The following COMMD10 variants were observed in gnomAD, a reference collection of about 807,000 sequenced individuals.
The protein encoded by COMMD10 is COMM domain-containing protein 10.
A neutral mutation model predicts 28.9 loss-of-function variants in COMMD10; 33 were observed. The ratio of observed to expected loss-of-function variants is 1.14; its 90% CI spans 0.87 to 1.53. The LOEUF (loss-of-function observed/expected upper bound fraction) is 1.53, where lower values mean the gene tolerates loss of function less well. Ranked by LOEUF, COMMD10 falls within the 40% of genes most tolerant of loss-of-function variation. The probability of loss-of-function intolerance (pLI) is 0.00; values close to 1 mark genes in which losing one functional copy is unlikely to be tolerated. For synonymous variants in COMMD10, 110 were observed against 81.7 expected (o/e 1.35, Z -1.87); for missense variants, 310 against 233.4 (o/e 1.33, Z -2.14).
chr5:116,248,881 A>G lies in COMMD10; in HGVS notation c.511-42636A>G, dbSNP rs557479211. ...ACAAAAAAGCAATTTCTCACCATGC[A>G]TATTATTTGAAACAAAAGAAATTTA... On this transcript the variant is annotated intron_variant, in intron 5 of 6. Coordinates refer to ENST00000274458, the MANE Select transcript of COMMD10 (RefSeq NM_016144.4). Among the ~76,000 whole-genome samples the G allele has an allele frequency of 2.7e-3, 411 of 152,122 alleles. 2 individuals are homozygous for G. The highest frequency in any genetic ancestry group is 9.2e-3 in the African/African-American group (383 of 41,548).
intron 5 of COMMD10, among the ~76,000 whole-genome samples, chr5:116,163,997 T>G (rs1030618177): frequency 6.6e-6 from 1 of 152,196 alleles, no homozygotes. Flanking sequence ...TGGAAATACT[T>G]TGTGTAACTA....
At chr5:116,188,517 A>G (rs1450801092) in intron 5 of COMMD10, 1 of 151,978 alleles carries the variant, frequency 6.6e-6, no homozygotes, top group East Asian at 1.9e-4. Context: ...TTGTCTTTCC[A>G]ATTTTAGCAT....
At chr5:116,283,716 T>TTAC (rs1751138518) in intron 5 of COMMD10, among the ~76,000 whole-genome samples, 1 of 151,796 alleles carries the variant, frequency 6.6e-6, no homozygotes, top group South Asian at 2.1e-4. Context: ...CGTATTAGTC[T>TTAC]TACTGCATAA....
chr5:116,196,052 A>G (rs1316858261), intron 5 of COMMD10, among the ~76,000 whole-genome samples: 1 of 152,238 alleles, frequency 6.6e-6, no homozygotes, highest in East Asian at 1.9e-4. Flanking sequence ...TAAAAGCAGA[A>G]CTACCATTTG....
chr5:116,140,068 C>G (rs1438865859), intron 5 of COMMD10, among the ~76,000 whole-genome samples: 2 of 151,616 alleles, frequency 1.3e-5, no homozygotes, highest in Non-Finnish European at 3.0e-5. Flanking sequence ...CTCTGATAAT[C>G]TCTGTTCTAA....
intron 5 of COMMD10, chr5:116,188,493 T>A (rs1748219066): frequency 6.6e-6 from 1 of 152,198 alleles, no homozygotes; most frequent in Non-Finnish European, 1.5e-5. Flanking sequence ...GCAGGGGCCA[T>A]GCTAATCTTC....
intron 4 of COMMD10, among the ~76,000 whole-genome samples, chr5:116,101,147 A>G (rs761776394): frequency 7.1e-4 from 108 of 152,314 alleles, no homozygotes; most frequent in Middle Eastern, 6.8e-3. Context: ...CAGTCATCCA[A>G]TGATGGACAC....
intron 5 of COMMD10, among the ~76,000 whole-genome samples, chr5:116,260,146 A>T (rs1193433256): frequency 6.6e-6 from 1 of 151,750 alleles, no homozygotes; most frequent in Non-Finnish European, 1.5e-5. Context: ...TTTTAAAGTA[A>T]AATGGAAAAA....
At chr5:116,135,988 T>G (rs931976356) in intron 5 of COMMD10, among the ~76,000 whole-genome samples, 3 of 152,194 alleles carry the variant, frequency 2.0e-5, no homozygotes, top group African/African-American at 7.2e-5. Context: ...ATATGTAAAG[T>G]GTTTAGTCCA....
intron 5 of COMMD10, among the ~76,000 whole-genome samples, chr5:116,135,008 T>G (rs1002717279): frequency 6.6e-6 from 1 of 152,194 alleles, no homozygotes; most frequent in Non-Finnish European, 1.5e-5. Flanking sequence ...AGCATTGCTA[T>G]GAAATACTTT....
chr5:116,153,088 C>G (rs145927060), intron 5 of COMMD10, among the ~76,000 whole-genome samples: 1 of 152,012 alleles, frequency 6.6e-6, no homozygotes, highest in Non-Finnish European at 1.5e-5. Flanking sequence ...ACATGAATGA[C>G]CTTTATGAAT....
intron 5 of COMMD10, among the ~76,000 whole-genome samples, chr5:116,283,320 C>T (rs1350355584): frequency 6.6e-6 from 1 of 151,490 alleles, no homozygotes; most frequent in African/African-American, 2.4e-5. Flanking sequence ...ATATCAATAT[C>T]TTGGCCTATC....
At chr5:116,286,186 C>G (rs1751214043) in intron 5 of COMMD10, among the ~76,000 whole-genome samples, 3 of 151,542 alleles carry the variant, frequency 2.0e-5, no homozygotes. Flanking sequence ...TTTTTTATTT[C>G]TATGGCATCT....
chr5:116,156,135 G>A (rs1192144423), intron 5 of COMMD10, among the ~76,000 whole-genome samples: 1 of 152,014 alleles, frequency 6.6e-6, no homozygotes, highest in African/African-American at 2.4e-5. Flanking sequence ...ACAAAATAAA[G>A]GGTTAAGCTG....
intron 4 of COMMD10, among the ~76,000 whole-genome samples, chr5:116,103,725 A>G (rs565564793): frequency 6.6e-6 from 1 of 152,238 alleles, no homozygotes; most frequent in East Asian, 1.9e-4. Context: ...TTAGTCATGA[A>G]GTCTTTGCCC....
In COMMD10 at chr5:116,238,267, GACAGAAAA is replaced by G. The variant is rs559922857; in HGVS notation, c.511-53247_511-53240del. On this transcript the variant is annotated intron_variant, in intron 5 of 6. Coordinates refer to ENST00000274458, the MANE Select transcript of COMMD10 (RefSeq NM_016144.4). ...TTGTCAGATTGTTCTTGGCATTGGTGACAGAAAAACTGCACATATTTACTGGACTGCAT... is the reference window on the plus strand; with the variant it reads ...TTGTCAGATTGTTCTTGGCATTGGTGACTGCACATATTTACTGGACTGCAT... Among the ~76,000 whole-genome samples the G allele has an allele frequency of 8.5e-4, 130 of 152,308 alleles. 1 individual carries two copies. In the South Asian group the frequency reaches 0.026, roughly 31 times the overall value.
intron 5 of COMMD10, among the ~76,000 whole-genome samples, chr5:116,177,261 A>G (rs1186151348): frequency 1.3e-5 from 2 of 151,656 alleles, no homozygotes; most frequent in African/African-American, 2.4e-5. Flanking sequence ...GGACATTTGG[A>G]ATGGGTTTTG....
At chr5:116,267,166 T>G (rs1244571652) in intron 5 of COMMD10, among the ~76,000 whole-genome samples, 1 of 151,942 alleles carries the variant, frequency 6.6e-6, no homozygotes, top group Non-Finnish European at 1.5e-5. Context: ...GGTCCCTGTT[T>G]GCAGATGACA....
At chr5:116,133,469 G>A (rs1751925575) in intron 4 of COMMD10, among the ~76,000 whole-genome samples, 1 of 152,184 alleles carries the variant, frequency 6.6e-6, no homozygotes, top group Non-Finnish European at 1.5e-5. Context: ...TGGAAAGTAT[G>A]ATAGTCTGTT....
Sources: allele counts gnomAD v4.1 joint callset (sites outside exome capture counted in the v4.1 genomes callset), GRCh38; gene constraint gnomAD v4.1.1; transcripts MANE v1.5; gene names NCBI Gene and HGNC (gene_info 2026-07-23, HGNC 2026-07-21).